CLCN3: variants seen among roughly 807,000 people sequenced by gnomAD.
CLCN3 encodes H(+)/Cl(-) exchange transporter 3.
CLCN3 carries 16 observed loss-of-function variants against 83.4 expected under a neutral mutation model. The observed-to-expected ratio is 0.19, with a 90% CI of 0.13 to 0.29. The LOEUF is 0.29. Among genes scored for constraint, CLCN3 ranks in the 10% least tolerant of loss-of-function variants. The pLI is 1.00. For synonymous variants in CLCN3, 322 were observed against 346.2 expected, an observed-to-expected ratio of 0.93 and a Z score of 0.78; for missense variants, 544 against 1,006.0, an observed-to-expected ratio of 0.54 and a Z score of 6.21.
rs550251699 is a variant in CLCN3, at chr4:169,697,433, C to T, written c.1262C>T (p.Thr421Met). The T allele has an allele frequency of 2.4e-5, 38 of 1,614,110 alleles. No homozygotes were observed. The highest frequency in any genetic ancestry group is 3.3e-5 in the South Asian group (3 of 91,074). ...GCCTGGTGTCGTCGACGCAAGTCCA[C>T]GAAATTTGGAAAGTATCCCGTTCTG... Reference protein sequence around the residue: ...NIAWCRRRKSTKFGKYPVLEV... With the variant: ...NIAWCRRRKSMKFGKYPVLEV... The change falls in exon 9 of 13, where the codon ACG becomes ATG. Residue 421 changes from threonine (T) to methionine (M), a missense_variant. Thr to Met is a moderately conservative substitution (Grantham distance 81). Transcript: ENST00000513761.
At chr4:169,714,046 A>G (rs2877448) in intron 12 of CLCN3, among the ~76,000 whole-genome samples, 10,749 of 152,278 alleles carry the variant, frequency 0.071, 1,259 homozygotes, top group African/African-American at 0.24. Context: ...CAAATACACT[A>G]CTTCGTCACC....
Position 169,643,412 on chromosome 4 carries a change from T to C in CLCN3, c.160+7324T>C, listed in dbSNP as rs538332303. 7.2e-5 allele frequency among the ~76,000 whole-genome samples: 11 copies of C among 152,098 alleles called. No individual in the cohort carries two copies. The South Asian group carries it at 1.2e-3, about 17-fold the overall frequency. On this transcript the variant is annotated intron_variant, in intron 2 of 12. Transcript: ENST00000513761. Reference sequence around the variant, plus strand: ...TGCCTGGCTAATTTTTTGTATTTAGTAGAGACGGGGTTTCACCATGTTAGT... The same window carrying C: ...TGCCTGGCTAATTTTTTGTATTTAGCAGAGACGGGGTTTCACCATGTTAGT...
intron 3 of CLCN3, among the ~76,000 whole-genome samples, chr4:169,682,845 G>T (rs1731999124): frequency 6.6e-6 from 1 of 152,088 alleles, no homozygotes; most frequent in African/African-American, 2.4e-5. Flanking sequence ...CAGCAATTTT[G>T]CCACTGGTTT....
At position 169,713,179 on chromosome 4, in the gene CLCN3, G is replaced by A; in HGVS notation, c.2250G>A (p.Lys750=). The A allele has an allele frequency of 1.2e-6, 2 of 1,614,136 alleles. No individual in the cohort carries two copies. Among genetic ancestry groups the A allele is most frequent in the South Asian group, 1.1e-5 (1 of 91,084 alleles). ...CAGCAGAAAGTCCTCGGCCATTGAA[G>A]CTTCGAAGCATTCTTGACATGAGCC... ...SLPAESPRPL[K]LRSILDMSPF... The change falls in exon 12 of 13, where the codon AAG becomes AAA. Residue 750 remains lysine (K), a synonymous_variant. Transcript: ENST00000513761.
intron 2 of CLCN3, among the ~76,000 whole-genome samples, chr4:169,651,773 G>T (rs890663187): frequency 6.6e-6 from 1 of 152,022 alleles, no homozygotes; most frequent in East Asian, 1.9e-4. Flanking sequence ...TAGAATCCCT[G>T]GATACAGAAG....
intron 1 of CLCN3, among the ~76,000 whole-genome samples, chr4:169,633,954 GTT>G (rs34108402): frequency 2.8e-4 from 42 of 148,938 alleles, no homozygotes; most frequent in Non-Finnish European, 3.6e-4. Context: ...ACGTGGAATA[GTT>G]TTTTTTTTTT....
At chr4:169,700,765 A>G (rs1289217453) in intron 9 of CLCN3, among the ~76,000 whole-genome samples, 4 of 152,234 alleles carry the variant, frequency 2.6e-5, no homozygotes, top group African/African-American at 4.8e-5. Context: ...TTAGTTTCTT[A>G]GTGCATATAA....
At chr4:169,706,748 G>A in intron 10 of CLCN3, 120 bp from the exon 11 acceptor site, 1 of 748,188 alleles carries the variant, frequency 1.3e-6, no homozygotes, top group Non-Finnish European at 2.2e-6. Context: ...AGATGCTAAT[G>A]CTTTTCCCTG....
chr4:169,707,361 G>T, intron 11 of CLCN3, 95 bp downstream of exon 11: 1 of 927,354 alleles, frequency 1.1e-6, no homozygotes, highest in Non-Finnish European at 1.6e-6. Flanking sequence ...TGGATTTGTG[G>T]GGGCAAGGGA....
chr4:169,710,934 T>A (rs1733188702), intron 11 of CLCN3, among the ~76,000 whole-genome samples: 1 of 152,152 alleles, frequency 6.6e-6, no homozygotes, highest in Non-Finnish European at 1.5e-5. Context: ...GCTTCAGCAA[T>A]CCCCTCCTCA....
chr4:169,680,312 A>AT (rs1374252388), intron 3 of CLCN3, 105 bp downstream of exon 3: 1 of 770,234 alleles, frequency 1.3e-6, no homozygotes, highest in Non-Finnish European at 2.1e-6. Context: ...TACATTTAAT[A>AT]TAAGTAAATG....
chr4:169,720,012 G>A lies in CLCN3; in HGVS notation c.*15G>A, dbSNP rs1257263381. ...TGTTCAACTGAATCTCACAGATGAGGAGAGAGAAGAAACGGAAGAGGAAGT... is the reference window on the plus strand; with the variant it reads ...TGTTCAACTGAATCTCACAGATGAGAAGAGAGAAGAAACGGAAGAGGAAGT... On this transcript the variant is annotated 3_prime_UTR_variant, in exon 13 of 13. Coordinates refer to ENST00000513761, the MANE Select transcript of CLCN3 (RefSeq NM_001829.4). 6.2e-7 allele frequency: 1 copy of A among 1,613,644 alleles called. No homozygotes were observed. Among genetic ancestry groups the A allele is most frequent in the Admixed American group, 1.7e-5 (1 of 60,004 alleles).
chr4:169,658,248 T>C (rs13143993), intron 2 of CLCN3, among the ~76,000 whole-genome samples: 26,142 of 151,348 alleles, frequency 0.17, 2,900 homozygotes, highest in South Asian at 0.3. Flanking sequence ...ATATATATTA[T>C]ATATACACAC....
rs1733645822 is a variant in CLCN3 at position 169,721,729 on chromosome 4, T to A, written c.*1732T>A. 1 of 152,258 alleles carries A rather than the reference T, an allele frequency of 6.6e-6. No individual in the cohort carries two copies. The highest frequency in any genetic ancestry group is 2.1e-4 in the South Asian group (1 of 4,838). The allele number at this position is 152,258 out of a possible 1,614,324, so 9.4% of individuals were successfully genotyped here. A position where few individuals can be genotyped will look rare whatever the true frequency, so the allele number is the denominator to read the frequency against. On this transcript the variant is annotated 3_prime_UTR_variant, in exon 13 of 13. Transcript: ENST00000513761. ...TGGGATTTTTGTTTTTGGAATTGTC[T>A]GTTTTAATCACAGCCTTAATTCACA...
At position 169,667,229 on chromosome 4, in the gene CLCN3, G is replaced by T. The variant is rs72694780; in HGVS notation, c.161-12821G>T. On this transcript the variant is annotated intron_variant, in intron 2 of 12. Coordinates refer to ENST00000513761, the MANE Select transcript of CLCN3 (RefSeq NM_001829.4). The stretch of plus-strand genomic sequence containing the variant: ...TGCACGTGAATAGCCAGTTGTCCCA[G>T]CATCATTTATTCAAAAGACTATTCT... Among the ~76,000 whole-genome samples the T allele has an allele frequency of 3.6e-3, 544 of 151,822 alleles. 3 individuals carry two copies. Among genetic ancestry groups the T allele is most frequent in the South Asian group, 0.022 (107 of 4,810 alleles).
At chr4:169,631,231 T>C (rs905582534) in intron 1 of CLCN3, among the ~76,000 whole-genome samples, 1 of 152,216 alleles carries the variant, frequency 6.6e-6, no homozygotes, top group Non-Finnish European at 1.5e-5. Context: ...ATCTGCTTGT[T>C]GGACAGTTGT....
chr4:169,636,136 AAT>A, intron 2 of CLCN3, 48 bp downstream of exon 2: 4 of 1,496,764 alleles, frequency 2.7e-6, no homozygotes, highest in Non-Finnish European at 3.6e-6. Flanking sequence ...AATATCCACT[AAT>A]AAATATGTAC....
intron 2 of CLCN3, among the ~76,000 whole-genome samples, chr4:169,679,836 G>T (rs1004455462): frequency 5.3e-5 from 8 of 152,134 alleles, no homozygotes; most frequent in Admixed American, 5.2e-4. Context: ...CTGAGATCGC[G>T]GCAGTACAGT....
rs1732265076 is a variant in CLCN3, at chr4:169,689,027, C to T, written c.419-16C>T. 6.2e-7 allele frequency: 1 copy of T among 1,600,130 alleles called. No homozygotes were observed. On this transcript the variant is annotated splice_polypyrimidine_tract_variant and intron_variant, in intron 4 of 12. Transcript: ENST00000513761. Reference sequence around the variant, plus strand: ...ATTGACTTAATTTTTTTACCATCTCCAACATGTTTTTATAGGGGCACTGGC... The same window carrying T: ...ATTGACTTAATTTTTTTACCATCTCTAACATGTTTTTATAGGGGCACTGGC...
Sources: gnomAD v4.1 joint callset for allele counts (sites outside exome capture counted in the v4.1 genomes callset) on GRCh38, gnomAD v4.1.1 for gene constraint, MANE v1.5 for transcripts, NCBI Gene and HGNC (gene_info 2026-07-23, HGNC 2026-07-21) for gene names.